The following LRRC4C variants were observed in gnomAD, a reference collection of about 807,000 sequenced individuals.
LRRC4C encodes the protein leucine rich repeat containing 4C.
Under a neutral mutation model 33.6 loss-of-function variants are expected in LRRC4C, and 5 were observed. That is an observed-to-expected ratio of 0.15 (90% CI 0.08 to 0.31). The LOEUF (loss-of-function observed/expected upper bound fraction) is 0.31, where lower values mean the gene tolerates loss of function less well. LRRC4C is among the 10% of genes least tolerant of loss of function. The pLI is 1.00. For missense variants in LRRC4C, 560 were observed against 796.7 expected (o/e 0.70, Z 3.58); for synonymous variants, 329 against 302.0 (o/e 1.09, Z -0.93).
chr11:40,971,143 T>A (rs1014896963), intron 1 of LRRC4C, among the ~76,000 whole-genome samples: 2 of 152,066 alleles, frequency 1.3e-5, no homozygotes, highest in Non-Finnish European at 2.9e-5. Flanking sequence ...TTCACATAAG[T>A]AAAGAGGAGC....
intron 1 of LRRC4C, among the ~76,000 whole-genome samples, chr11:41,185,451 G>T (rs1479352318): frequency 6.6e-6 from 1 of 152,204 alleles, no homozygotes; most frequent in East Asian, 1.9e-4. Flanking sequence ...TTTGTAATCT[G>T]TAGAAGCAAG....
At chr11:41,450,347 G>T (rs1024399391) in intron 1 of LRRC4C, among the ~76,000 whole-genome samples, 2 of 152,044 alleles carry the variant, frequency 1.3e-5, no homozygotes, top group African/African-American at 2.4e-5. Flanking sequence ...CAGGAAAATT[G>T]TTTACATTTA....
intron 1 of LRRC4C, among the ~76,000 whole-genome samples, chr11:40,962,771 A>G (rs943104918): frequency 6.6e-6 from 1 of 151,752 alleles, no homozygotes; most frequent in Non-Finnish European, 1.5e-5. Flanking sequence ...ACTCAGCTGA[A>G]TTTTTAAAAG....
At chr11:40,271,307 G>A (rs992701859) in intron 4 of LRRC4C, among the ~76,000 whole-genome samples, 2 of 152,102 alleles carry the variant, frequency 1.3e-5, no homozygotes, top group Non-Finnish European at 2.9e-5. Flanking sequence ...ACACTGAATA[G>A]GAGAGAGACA....
At chr11:40,907,929 G>A (rs534069624) in intron 2 of LRRC4C, among the ~76,000 whole-genome samples, 1 of 152,122 alleles carries the variant, frequency 6.6e-6, no homozygotes, top group African/African-American at 2.4e-5. Flanking sequence ...TTCCAATGTC[G>A]TGCACTTGAA....
intron 4 of LRRC4C, among the ~76,000 whole-genome samples, chr11:40,298,991 G>C (rs1944645510): frequency 6.6e-6 from 1 of 152,168 alleles, no homozygotes; most frequent in African/African-American, 2.4e-5. Context: ...GATGAGATTT[G>C]GGTGGGGATG....
At chr11:40,609,700 A>C (rs759019521) in intron 3 of LRRC4C, among the ~76,000 whole-genome samples, 1 of 151,850 alleles carries the variant, frequency 6.6e-6, no homozygotes, top group Non-Finnish European at 1.5e-5. Flanking sequence ...AAAATCAGAA[A>C]ATAAAGAGGA....
Position 41,401,227 on chromosome 11 carries a change from A to C in LRRC4C, c.-496+58204T>G, listed in dbSNP as rs1215814557. Reference sequence around the variant, plus strand: ...ACACATGGCTTTCTACATTTGAATTAAAATGAAAAGTAAACAACAATTAAA... The same window carrying C: ...ACACATGGCTTTCTACATTTGAATTCAAATGAAAAGTAAACAACAATTAAA... On this transcript the variant is annotated intron_variant, in intron 1 of 6. Transcript: ENST00000528697. Among the ~76,000 whole-genome samples, 5 of 152,020 alleles carry C rather than the reference A, an allele frequency of 3.3e-5. No individual in the cohort carries two copies. The East Asian group carries it at 9.7e-4, about 30-fold the overall frequency.
At chr11:40,337,501 T>C (rs1946681565) in intron 3 of LRRC4C, among the ~76,000 whole-genome samples, 1 of 152,162 alleles carries the variant, frequency 6.6e-6, no homozygotes, top group Non-Finnish European at 1.5e-5. Flanking sequence ...AGAACCTTTG[T>C]CCATTTATCA....
At chr11:40,764,846 C>A (rs1034122357) in intron 2 of LRRC4C, among the ~76,000 whole-genome samples, 1 of 152,176 alleles carries the variant, frequency 6.6e-6, no homozygotes, top group African/African-American at 2.4e-5. Flanking sequence ...GGCAGTACGT[C>A]TACAAGTCTT....
At chr11:41,314,397 A>G (rs1252676385) in intron 1 of LRRC4C, among the ~76,000 whole-genome samples, 1 of 152,202 alleles carries the variant, frequency 6.6e-6, no homozygotes, top group Non-Finnish European at 1.5e-5. Context: ...TATTCACTGA[A>G]GTTGATAAGC....
intron 2 of LRRC4C, among the ~76,000 whole-genome samples, chr11:40,722,277 T>A (rs1050478261): frequency 3.8e-4 from 58 of 152,122 alleles, no homozygotes; most frequent in African/African-American, 1.4e-3. Context: ...GGGAGTCATC[T>A]CTCGCTCCTC....
chr11:40,680,805 A>G (rs7122689), intron 2 of LRRC4C, among the ~76,000 whole-genome samples: 61,980 of 152,080 alleles, frequency 0.41, 15,264 homozygotes, highest in East Asian at 0.58. Flanking sequence ...AGCAATTTGA[A>G]TGACATAATT....
intron 3 of LRRC4C, among the ~76,000 whole-genome samples, chr11:40,532,260 A>G (rs559108485): frequency 7.9e-5 from 12 of 151,904 alleles, no homozygotes; most frequent in African/African-American, 2.2e-4. Flanking sequence ...TACAAAATTC[A>G]TAACCTCTAT....
intron 1 of LRRC4C, among the ~76,000 whole-genome samples, chr11:41,328,415 G>A (rs951507131): frequency 6.6e-6 from 1 of 152,124 alleles, no homozygotes; most frequent in Non-Finnish European, 1.5e-5. Context: ...CTCTCTGAGT[G>A]TGTATATGTG....
chr11:41,132,880 G>C (rs1380649316), intron 1 of LRRC4C, among the ~76,000 whole-genome samples: 1 of 152,028 alleles, frequency 6.6e-6, no homozygotes, highest in Non-Finnish European at 1.5e-5. Context: ...GTTATCCCCA[G>C]GAATACAAAT....
intron 5 of LRRC4C, among the ~76,000 whole-genome samples, chr11:40,237,267 C>A (rs1171505924): frequency 6.6e-6 from 1 of 152,170 alleles, no homozygotes; most frequent in African/African-American, 2.4e-5. Flanking sequence ...TCTCATCTTT[C>A]TTCTGCCTTT....
intron 1 of LRRC4C, among the ~76,000 whole-genome samples, chr11:41,032,442 C>T (rs1856782045): frequency 6.6e-6 from 1 of 151,974 alleles, no homozygotes; most frequent in African/African-American, 2.4e-5. Flanking sequence ...TTTGATAAAA[C>T]TTTCAACTGT....
chr11:41,397,179 A>G (rs1197683313), intron 1 of LRRC4C, among the ~76,000 whole-genome samples: 2 of 151,972 alleles, frequency 1.3e-5, no homozygotes, highest in East Asian at 1.9e-4. Context: ...CCCTCTAACA[A>G]CACAGTTTGA....
Sources: gnomAD v4.1 joint callset for allele counts (sites outside exome capture counted in the v4.1 genomes callset) on GRCh38, gnomAD v4.1.1 for gene constraint, MANE v1.5 for transcripts, NCBI Gene and HGNC (gene_info 2026-07-23, HGNC 2026-07-21) for gene names.